ATP6V1A: variants seen among roughly 807,000 people sequenced by gnomAD.
ATP6V1A encodes V-type proton ATPase catalytic subunit A.
ATP6V1A carries 18 observed loss-of-function variants against 70.1 expected under a neutral mutation model. The ratio of observed to expected loss-of-function variants is 0.26; its 90% CI spans 0.18 to 0.38. ATP6V1A has a LOEUF of 0.38. ATP6V1A is among the 10% of genes least tolerant of loss of function. ATP6V1A has a pLI of 1.00. For synonymous variants in ATP6V1A, 232 were observed against 253.8 expected, an observed-to-expected ratio of 0.91 and a Z score of 0.82; for missense variants, 424 against 772.4, an observed-to-expected ratio of 0.55 and a Z score of 5.35.
At chr3:113,792,027 T>G (rs1340191581) in intron 8 of ATP6V1A, among the ~76,000 whole-genome samples, 1 of 152,222 alleles carries the variant, frequency 6.6e-6, no homozygotes, top group Non-Finnish European at 1.5e-5. Flanking sequence ...ATTATATTGT[T>G]GTGGGACTAT....
chr3:113,763,544 C>T (rs1708730926), intron 1 of ATP6V1A, among the ~76,000 whole-genome samples: 2 of 152,210 alleles, frequency 1.3e-5, no homozygotes, highest in African/African-American at 2.4e-5. Flanking sequence ...GACTGTCATT[C>T]TACGAGTTCA....
At chr3:113,780,868 T>A in intron 2 of ATP6V1A, 182 bp from the exon 3 acceptor site, 1 of 1,310,918 alleles carries the variant, frequency 7.6e-7, no homozygotes, top group Non-Finnish European at 1.0e-6. Flanking sequence ...TACCTCTTTA[T>A]ATTATACACT....
At chr3:113,765,026 C>T (rs867166995) in intron 1 of ATP6V1A, among the ~76,000 whole-genome samples, 2 of 145,190 alleles carry the variant, frequency 1.4e-5, no homozygotes, top group Non-Finnish European at 3.0e-5. Context: ...GCAGGAATTT[C>T]TTACCCAAAT....
rs1011797652 is a variant in ATP6V1A, at chr3:113,809,670, A to G, written c.*243A>G. ...CTGAAGTGGTGAATATAGTAAATATACATTCTGGTTACACTACTGTAAACT... is the reference window on the plus strand; with the variant it reads ...CTGAAGTGGTGAATATAGTAAATATGCATTCTGGTTACACTACTGTAAACT... On this transcript the variant is annotated 3_prime_UTR_variant, in exon 15 of 15. Transcript: ENST00000273398. The G allele has an allele frequency of 2.9e-6, 1 of 342,112 alleles. No homozygotes were observed. Among genetic ancestry groups the G allele is most frequent in the African/African-American group, 2.1e-5 (1 of 48,168 alleles). The allele number at this position is 342,112 out of a possible 1,614,324, so 21.2% of individuals were successfully genotyped here.
At position 113,805,411 on chromosome 3, in the gene ATP6V1A, T is replaced by C. The variant is rs1397904929; in HGVS notation, c.1647T>C (p.Asp549=). Residue 549 remains aspartate, a synonymous_variant, in exon 14 of 15, where the codon GAT becomes GAC. Transcript: ENST00000273398. ...TGTCCAACATGATTGCATTTTATGA[T>C]ATGGCTCGTAGAGCTGTTGAAACCA... ...GMLSNMIAFY[D]MARRAVETTA... The C allele has an allele frequency of 3.7e-6, 6 of 1,613,930 alleles. No individual in the cohort carries two copies. The highest frequency in any genetic ancestry group is 5.1e-6 in the Non-Finnish European group (6 of 1,179,962).
chr3:113,753,804 T>C (rs1708616918), intron 1 of ATP6V1A, among the ~76,000 whole-genome samples: 1 of 151,430 alleles, frequency 6.6e-6, no homozygotes, highest in Admixed American at 6.6e-5. Context: ...TAAGCTATCC[T>C]CCCGCCTCAG....
At chr3:113,752,924 A>G (rs1360777608) in intron 1 of ATP6V1A, among the ~76,000 whole-genome samples, 1 of 152,186 alleles carries the variant, frequency 6.6e-6, no homozygotes, top group Non-Finnish European at 1.5e-5. Context: ...CCTTTATACA[A>G]ACAATCCAGA....
Position 113,805,436 on chromosome 3 carries a change from A to G in ATP6V1A, c.1672A>G (p.Thr558Ala). The G allele has an allele frequency of 1.2e-6, 2 of 1,613,946 alleles. No individual in the cohort carries two copies. Among genetic ancestry groups the G allele is most frequent in the Non-Finnish European group, 1.7e-6 (2 of 1,179,786 alleles). Residue 558 changes from threonine (T) to alanine (A), a missense_variant, in exon 14 of 15, where the codon ACT (threonine) becomes GCT (alanine). Around this residue, in one of 9 missense-constraint regions of ATP6V1A, gnomAD observed 127 missense variants for 207.9 expected, o/e 0.61. Coordinates refer to ENST00000273398, the MANE Select transcript of ATP6V1A (RefSeq NM_001690.4). Reference sequence around the variant, plus strand: ...TATGGCTCGTAGAGCTGTTGAAACCACTGCCCAGAGTGACAATAAAATCAC... The same window carrying G: ...TATGGCTCGTAGAGCTGTTGAAACCGCTGCCCAGAGTGACAATAAAATCAC... ...YDMARRAVET[T>A]AQSDNKITWS...
chr3:113,809,614 A>G lies in ATP6V1A; in HGVS notation c.*187A>G, dbSNP rs1017880132. On this transcript the variant is annotated 3_prime_UTR_variant, in exon 15 of 15. Transcript: ENST00000273398. ...TATAAAACAAACATTCCTTTGTTCTAGTGTTGTGAAGGGCCTCCCTCTTCC... is the reference window on the plus strand; with the variant it reads ...TATAAAACAAACATTCCTTTGTTCTGGTGTTGTGAAGGGCCTCCCTCTTCC... 4.1e-5 allele frequency: 20 copies of G among 488,756 alleles called. No individual in the cohort carries two copies. Among genetic ancestry groups the G allele is most frequent in the Admixed American group, 6.7e-5 (2 of 30,006 alleles). 30.3% of individuals were successfully genotyped at this position (488,756 alleles called of 1,614,324 possible). A position where few individuals can be genotyped will look rare whatever the true frequency, so the allele number is the denominator to read the frequency against.
chr3:113,805,278 C>T (rs749744190), intron 13 of ATP6V1A, 76 bp from the exon 14 acceptor site: 4 of 1,367,120 alleles, frequency 2.9e-6, no homozygotes, highest in Non-Finnish European at 4.1e-6. Flanking sequence ...AACTAATGCT[C>T]TAGTAGTTTT....
intron 1 of ATP6V1A, among the ~76,000 whole-genome samples, chr3:113,776,770 T>C (rs1708917600): frequency 6.6e-6 from 1 of 152,238 alleles, no homozygotes; most frequent in South Asian, 2.1e-4. Context: ...AATCAGTCTT[T>C]ACCCTTACAT....
chr3:113,782,961 T>A (rs1367074956), intron 3 of ATP6V1A, among the ~76,000 whole-genome samples: 1 of 152,168 alleles, frequency 6.6e-6, no homozygotes, highest in East Asian at 1.9e-4. Flanking sequence ...GATAAATAGA[T>A]ATGTGATAAA....
intron 8 of ATP6V1A, among the ~76,000 whole-genome samples, chr3:113,792,100 T>C (rs1020090095): frequency 1.3e-5 from 2 of 152,184 alleles, no homozygotes; most frequent in Non-Finnish European, 2.9e-5. Context: ...TGTTTGGAGG[T>C]AAGTTTTATG....
At chr3:113,795,839 A>T (rs1330564598) in intron 10 of ATP6V1A, 37 bp from the exon 11 acceptor site, 4 of 1,520,292 alleles carry the variant, frequency 2.6e-6, no homozygotes, top group Admixed American at 2.1e-5. Context: ...TCTAATGACC[A>T]TTTTTTTTGT....
intron 1 of ATP6V1A, among the ~76,000 whole-genome samples, chr3:113,749,367 A>T (rs1194675966): frequency 6.6e-6 from 1 of 152,138 alleles, no homozygotes; most frequent in Non-Finnish European, 1.5e-5. Flanking sequence ...TGTTACATGT[A>T]GAAATCTTAA....
Position 113,798,306 on chromosome 3 carries a change from A to G in ATP6V1A, c.1354A>G (p.Ile452Val), listed in dbSNP as rs775677108. The G allele has an allele frequency of 1.2e-6, 2 of 1,613,498 alleles. No individual in the cohort carries two copies. Among genetic ancestry groups the G allele is most frequent in the Non-Finnish European group, 1.7e-6 (2 of 1,179,554 alleles). Residue 452 changes from isoleucine (I) to valine (V), a missense_variant, in exon 12 of 15, where the codon ATC (isoleucine) becomes GTC (valine). Physicochemically the swap from Ile to Val is conservative, Grantham distance 29. Coordinates refer to ENST00000273398, the MANE Select transcript of ATP6V1A (RefSeq NM_001690.4). The part of the protein sequence containing the change: ...RKHFPSVNWL[I>V]SYSKYMRALD... ...GCATTTCCCCTCTGTCAATTGGCTC[A>G]TCAGCTACAGCAAGTATATGCGTGC...
chr3:113,780,784 G>C (rs1390551918), intron 2 of ATP6V1A: 1 of 1,320,414 alleles, frequency 7.6e-7, no homozygotes, highest in Non-Finnish European at 9.9e-7. Flanking sequence ...ATCCTACCAG[G>C]TAAGTTTGCC....
intron 1 of ATP6V1A, among the ~76,000 whole-genome samples, chr3:113,748,333 C>CT (rs1708547404): frequency 6.6e-6 from 1 of 152,126 alleles, no homozygotes; most frequent in Non-Finnish European, 1.5e-5. Flanking sequence ...TGGTTAAACT[C>CT]TTTTATTTAT....
intron 12 of ATP6V1A, among the ~76,000 whole-genome samples, chr3:113,798,665 A>G (rs1264142873): frequency 6.6e-6 from 1 of 152,220 alleles, no homozygotes; most frequent in Non-Finnish European, 1.5e-5. Context: ...TTGAAATGGA[A>G]TATACCCATC....
Sources: gnomAD v4.1 joint callset for allele counts (sites outside exome capture counted in the v4.1 genomes callset) on GRCh38, gnomAD v4.1.1 for gene constraint, gnomAD v4.1.1 regional missense constraint, MANE v1.5 for transcripts, NCBI Gene and HGNC (gene_info 2026-07-23, HGNC 2026-07-21) for gene names.